Variants in COL4A5 observed in about 807,000 individuals in gnomAD.
The protein encoded by COL4A5 is collagen alpha-5(IV) chain.
COL4A5 carries 26 observed loss-of-function variants against 130.2 expected under a neutral mutation model. That is an observed-to-expected ratio of 0.20 (90% CI 0.15 to 0.28). COL4A5 has a LOEUF of 0.28. Among genes scored for constraint, COL4A5 ranks in the 10% least tolerant of loss-of-function variants. The pLI, the probability that COL4A5 is intolerant of heterozygous loss-of-function variation, is 1.00. For synonymous variants in COL4A5, 496 were observed against 439.6 expected (o/e 1.13, Z -1.60); for missense variants, 1,131 against 1,344.3 (o/e 0.84, Z 2.48).
intron 1 of COL4A5, among the ~76,000 whole-genome samples, chrX:108,463,297 A>G (rs990098054): frequency 5.6e-4 from 63 of 112,146 alleles, no homozygotes; most frequent in African/African-American, 2.0e-3. Context: ...TGAGTACTAT[A>G]ATTTATTCTA....
At chrX:108,534,149 A>G (rs2065423579) in intron 1 of COL4A5, among the ~76,000 whole-genome samples, 1 of 110,192 alleles carries the variant, frequency 9.1e-6, no homozygotes, top group Admixed American at 9.7e-5. Context: ...AAAGAGAGAA[A>G]GAGAAAGAGA....
rs868426180 is a variant in COL4A5 at position 108,526,593 on chromosome X, C to T, written c.82-13153C>T. Reference sequence around the variant, plus strand: ...CTTTCCTCCCTCCCTCCCTCCCTCCCTCCTTTCTTTCTTTCTTTCTTTCTT... The same window carrying T: ...CTTTCCTCCCTCCCTCCCTCCCTCCTTCCTTTCTTTCTTTCTTTCTTTCTT... On this transcript the variant is annotated intron_variant, in intron 1 of 52. Coordinates refer to ENST00000328300, the MANE Select transcript of COL4A5 (RefSeq NM_033380.3). Among the ~76,000 whole-genome samples the T allele has an allele frequency of 1.8e-3, 83 of 45,108 alleles. 2 individuals carry two copies. The highest frequency in any genetic ancestry group is 8.4e-3 in the African/African-American group (62 of 7,424). 39.2% of individuals were successfully genotyped at this position (45,108 alleles called of 115,157 possible).
At chrX:108,617,267 T>A (rs751667515) in intron 30 of COL4A5, among the ~76,000 whole-genome samples, 2 of 111,949 alleles carry the variant, frequency 1.8e-5, no homozygotes, top group East Asian at 5.6e-4. Flanking sequence ...GGAAAGATTC[T>A]TATATCTTGA....
chrX:108,488,498 A>C (rs1003502839), intron 1 of COL4A5, among the ~76,000 whole-genome samples: 2 of 112,116 alleles, frequency 1.8e-5, no homozygotes, highest in Middle Eastern at 4.2e-3. Flanking sequence ...ATTTTGGTAG[A>C]TATTGCCAGA....
At chrX:108,640,053 GA>G (rs961128977) in intron 36 of COL4A5, among the ~76,000 whole-genome samples, 2 of 111,614 alleles carry the variant, frequency 1.8e-5, no homozygotes, top group Non-Finnish European at 3.8e-5. Context: ...TAACATAATT[GA>G]AAACAAAAAT....
intron 1 of COL4A5, among the ~76,000 whole-genome samples, chrX:108,467,424 A>G (rs745999191): frequency 1.8e-5 from 2 of 111,979 alleles, no homozygotes; most frequent in African/African-American, 6.5e-5. Flanking sequence ...GTTTGAAATC[A>G]GAAAGTGTGT....
chrX:108,627,479 C>A, intron 36 of COL4A5: 1 of 746,041 alleles, frequency 1.3e-6, no homozygotes, highest in Non-Finnish European at 1.6e-6. Context: ...TTATCACTTA[C>A]CCCTTTTTAT....
At chrX:108,637,418 A>G (rs1299363475) in intron 36 of COL4A5, among the ~76,000 whole-genome samples, 1 of 111,795 alleles carries the variant, frequency 8.9e-6, no homozygotes, top group East Asian at 2.8e-4. Flanking sequence ...ATCCAAAACT[A>G]GCAGAAAGAA....
At chrX:108,453,472 A>G (rs754426485) in intron 1 of COL4A5, among the ~76,000 whole-genome samples, 13 of 111,922 alleles carry the variant, frequency 1.2e-4, no homozygotes, top group African/African-American at 3.9e-4. Context: ...TAATTTTCAT[A>G]AAAATTCATA....
chrX:108,513,258 A>G (rs1211279674), intron 1 of COL4A5, among the ~76,000 whole-genome samples: 4 of 110,573 alleles, frequency 3.6e-5, no homozygotes, highest in African/African-American at 9.9e-5. Flanking sequence ...AGATCGTGCC[A>G]CCGCACTCCA....
chrX:108,526,629 TTTCTTTCTTTCTTTCTTTC>T (rs1274499145), intron 1 of COL4A5, among the ~76,000 whole-genome samples: 1 of 64,967 alleles, frequency 1.5e-5, no homozygotes, highest in Non-Finnish European at 2.6e-5. Context: ...TCTTTCTTTC[TTTCTTTCTTTCTTTCTTTC>T]TTTCTTTCTT....
chrX:108,515,265 T>G (rs2065210725), intron 1 of COL4A5, among the ~76,000 whole-genome samples: 1 of 111,733 alleles, frequency 8.9e-6, no homozygotes, highest in Non-Finnish European at 1.9e-5. Context: ...GATAATAGTT[T>G]TCTACTGTTG....
intron 49 of COL4A5, among the ~76,000 whole-genome samples, chrX:108,689,023 T>C (rs922916637): frequency 1.8e-5 from 2 of 111,843 alleles, no homozygotes; most frequent in African/African-American, 6.5e-5. Flanking sequence ...AACCAAATAA[T>C]GTAAGGGTTT....
At chrX:108,592,422 A>G (rs1389203301) in intron 21 of COL4A5, among the ~76,000 whole-genome samples, 1 of 111,150 alleles carries the variant, frequency 9.0e-6, no homozygotes, top group Non-Finnish European at 1.9e-5. Context: ...TCACCTATCT[A>G]AAAAAATGTA....
intron 1 of COL4A5, among the ~76,000 whole-genome samples, chrX:108,488,215 C>A (rs2064965125): frequency 1.8e-5 from 2 of 112,459 alleles, no homozygotes; most frequent in Admixed American, 1.9e-4. Context: ...ATTCTTCCCC[C>A]CAGTTGTTTT....
chrX:108,609,945 A>T (rs1259597380), intron 29 of COL4A5, among the ~76,000 whole-genome samples: 1 of 109,051 alleles, frequency 9.2e-6, no homozygotes, highest in Non-Finnish European at 1.9e-5. Flanking sequence ...GAAGTCAGGT[A>T]ATGTAACCCA....
chrX:108,497,497 G>A (rs1354142282), intron 1 of COL4A5, among the ~76,000 whole-genome samples: 1 of 111,189 alleles, frequency 9.0e-6, no homozygotes, highest in African/African-American at 3.3e-5. Context: ...AGCCTGGTGG[G>A]GTTCCTGGAG....
At chrX:108,662,578 CAGAG>C (rs1259731289) in intron 37 of COL4A5, among the ~76,000 whole-genome samples, 10 of 111,420 alleles carry the variant, frequency 9.0e-5, no homozygotes, top group South Asian at 7.6e-4. Context: ...AATAGACAAA[CAGAG>C]AGCCAAATTA....
In COL4A5 at chrX:108,539,777, G is replaced by T. The variant is rs1444428109; in HGVS notation, c.113G>T (p.Cys38Phe). The change falls in exon 2 of 53, where the codon TGT (cysteine) becomes TTT (phenylalanine). Residue 38 changes from cysteine to phenylalanine, a missense_variant. Transcript: ENST00000328300. ...TATGGGTGTTCTCCAGGATCAAAGT[G>T]TGACTGCAGTGGCATAAAAGGGGAA... Reference protein sequence around the residue: ...ACYGCSPGSKCDCSGIKGEKG... With the variant: ...ACYGCSPGSKFDCSGIKGEKG... 1 of 1,209,592 alleles carries T rather than the reference G, an allele frequency of 8.3e-7. No individual in the cohort carries two copies. Among genetic ancestry groups the T allele is most frequent in the African/African-American group, 1.7e-5 (1 of 57,702 alleles).
Sources: gnomAD v4.1 joint callset for allele counts (sites outside exome capture counted in the v4.1 genomes callset) on GRCh38, gnomAD v4.1.1 for gene constraint, MANE v1.5 for transcripts, NCBI Gene and HGNC (gene_info 2026-07-23, HGNC 2026-07-21) for gene names.